Variants in CAST observed in about 807,000 individuals in gnomAD.
CAST encodes the protein calpastatin.
CAST carries 76 observed loss-of-function variants against 119.6 expected under a neutral mutation model. That is an observed-to-expected ratio of 0.64 (90% CI 0.53 to 0.77). The LOEUF is 0.77. Among genes scored for constraint, CAST ranks in the 30% least tolerant of loss-of-function variants. The probability of loss-of-function intolerance (pLI) is 0.00; values close to 1 mark genes in which losing one functional copy is unlikely to be tolerated. For missense variants in CAST, 953 were observed against 946.5 expected, an observed-to-expected ratio of 1.01 and a Z score of -0.09; for synonymous variants, 319 against 331.6, an observed-to-expected ratio of 0.96 and a Z score of 0.41.
chr5:96,712,287 T>C (rs917810468), intron 3 of CAST, among the ~76,000 whole-genome samples: 4 of 152,234 alleles, frequency 2.6e-5, no homozygotes, highest in African/African-American at 7.2e-5. Flanking sequence ...GTGGCCTGGC[T>C]CCAAAGCCAT....
At chr5:96,103,994 G>GC in the CAST span, among the ~76,000 whole-genome samples, 2 of 152,296 alleles carry the variant, frequency 1.3e-5, no homozygotes, top group East Asian at 3.9e-4. Context: ...TTCACTGATG[G>GC]CCAGTGATGG....
the CAST span, among the ~76,000 whole-genome samples, chr5:95,986,975 G>A: frequency 7.9e-5 from 12 of 152,166 alleles, no homozygotes; most frequent in Non-Finnish European, 1.8e-4. Flanking sequence ...TGGAGAGGAT[G>A]AAGCAGACAA....
intron 4 of CAST, among the ~76,000 whole-genome samples, chr5:96,725,884 A>T (rs965982165): frequency 5.9e-5 from 9 of 152,206 alleles, no homozygotes; most frequent in Admixed American, 4.6e-4. Flanking sequence ...GTGTGAAAGG[A>T]TCCAAAATTT....
chr5:96,408,295 G>T, the CAST span: 3 of 1,613,952 alleles, frequency 1.9e-6, no homozygotes, highest in Non-Finnish European at 2.5e-6. Context: ...GTGCGTCTCC[G>T]TGCAGTCATT....
chr5:96,668,818 A>AAAGGCTGG (rs1749677493), intron 1 of CAST, among the ~76,000 whole-genome samples: 1 of 152,162 alleles, frequency 6.6e-6, no homozygotes, highest in Admixed American at 6.5e-5. Flanking sequence ...GTAAAAAAAA[A>AAAGGCTGG]AAAGGCTGGG....
At chr5:96,480,497 C>A in the CAST span, among the ~76,000 whole-genome samples, 2 of 152,048 alleles carry the variant, frequency 1.3e-5, no homozygotes, top group African/African-American at 4.8e-5. Flanking sequence ...TGGGTCTGCT[C>A]CTTCCATGAA....
chr5:96,052,755 TA>T, the CAST span, among the ~76,000 whole-genome samples: 1 of 152,232 alleles, frequency 6.6e-6, no homozygotes, highest in Admixed American at 6.5e-5. Context: ...TGTACATGCC[TA>T]AATACTTTGG....
intron 1 of CAST, among the ~76,000 whole-genome samples, chr5:96,550,265 G>T (rs576955049): frequency 1.3e-5 from 2 of 152,318 alleles, no homozygotes; most frequent in South Asian, 4.1e-4. Context: ...TGAAACCCAG[G>T]CAAACAGGGT....
chr5:96,520,298 C>T (rs1304931218), upstream of CAST, among the ~76,000 whole-genome samples: 1 of 152,162 alleles, frequency 6.6e-6, no homozygotes, highest in African/African-American at 2.4e-5. Flanking sequence ...CTGCTATGTC[C>T]GAGGGTGGGA....
At chr5:96,322,614 C>T in the CAST span, among the ~76,000 whole-genome samples, 5 of 152,108 alleles carry the variant, frequency 3.3e-5, no homozygotes, top group Non-Finnish European at 7.4e-5. Flanking sequence ...ATGTTTCAGG[C>T]CTTCCCATCC....
chr5:96,019,353 T>C, the CAST span, among the ~76,000 whole-genome samples: 1 of 152,238 alleles, frequency 6.6e-6, no homozygotes, highest in Non-Finnish European at 1.5e-5. Context: ...TAAAAAACTA[T>C]GTAAAGCAAT....
the CAST span, among the ~76,000 whole-genome samples, chr5:96,034,231 G>A: frequency 6.6e-6 from 1 of 152,038 alleles, no homozygotes; most frequent in Non-Finnish European, 1.5e-5. Flanking sequence ...TCAGGGAAAT[G>A]CAAATTAAAA....
intron 1 of CAST, among the ~76,000 whole-genome samples, chr5:96,654,718 G>T (rs1374942060): frequency 3.9e-5 from 6 of 152,084 alleles, no homozygotes; most frequent in Non-Finnish European, 1.5e-5. Context: ...ACAAAAAAGG[G>T]GCATCTGGAT....
the CAST span, among the ~76,000 whole-genome samples, chr5:96,252,733 C>T: frequency 5.9e-5 from 9 of 152,206 alleles, no homozygotes; most frequent in South Asian, 1.9e-3. Flanking sequence ...TTTTTAACCT[C>T]TTTCAGTAAT....
At chr5:96,559,246 A>T (rs1746307717) in intron 1 of CAST, among the ~76,000 whole-genome samples, 1 of 152,312 alleles carries the variant, frequency 6.6e-6, no homozygotes, top group South Asian at 2.1e-4. Context: ...CCCACAGCCA[A>T]TATCATACTG....
chr5:96,042,294 C>G, the CAST span, among the ~76,000 whole-genome samples: 1 of 152,146 alleles, frequency 6.6e-6, no homozygotes, highest in African/African-American at 2.4e-5. Context: ...TTTTGAGGGT[C>G]TTAAGTCAGT....
At chr5:96,410,658 A>G in the CAST span, 14 of 879,478 alleles carry the variant, frequency 1.6e-5, no homozygotes, top group Non-Finnish European at 2.7e-5. Context: ...AGTTCTCCCA[A>G]CTGAGACATC....
At chr5:96,611,562 T>C (rs932463223) in intron 1 of CAST, among the ~76,000 whole-genome samples, 2 of 128,768 alleles carry the variant, frequency 1.6e-5, no homozygotes, top group African/African-American at 5.1e-5. Flanking sequence ...AAAGAATTTA[T>C]GCTTTTAAGA....
At chr5:96,307,786 C>G in the CAST span, among the ~76,000 whole-genome samples, 1 of 152,218 alleles carries the variant, frequency 6.6e-6, no homozygotes, top group Non-Finnish European at 1.5e-5. Context: ...GGCCCCTACT[C>G]TATTCTGGCT....
Sources: gnomAD v4.1 joint callset for allele counts (sites outside exome capture counted in the v4.1 genomes callset) on GRCh38, gnomAD v4.1.1 for gene constraint, MANE v1.5 for transcripts, NCBI Gene and HGNC (gene_info 2026-07-23, HGNC 2026-07-21) for gene names.